The following SASH1 variants were observed in gnomAD, a reference collection of about 807,000 sequenced individuals.
The protein encoded by SASH1 is SAM and SH3 domain-containing protein 1.
In SASH1, 44 loss-of-function variants were observed where a neutral mutation model predicts 125.2. The ratio of observed to expected loss-of-function variants is 0.35; its 90% CI spans 0.28 to 0.45. SASH1 has a LOEUF of 0.45. SASH1 is among the 20% of genes least tolerant of loss of function. The pLI, the probability that SASH1 is intolerant of heterozygous loss-of-function variation, is 1.00. For synonymous variants in SASH1, 639 were observed against 649.1 expected (o/e 0.98, Z 0.24); for missense variants, 1,426 against 1,614.5 (o/e 0.88, Z 2.00).
intron 1 of SASH1, among the ~76,000 whole-genome samples, chr6:148,277,086 G>C (rs1779205811): frequency 6.6e-6 from 1 of 152,124 alleles, no homozygotes; most frequent in African/African-American, 2.4e-5. Context: ...ATAAAGAAAG[G>C]GGACACACGA....
chr6:148,515,971 G>A (rs1780412117), intron 9 of SASH1, among the ~76,000 whole-genome samples: 1 of 152,186 alleles, frequency 6.6e-6, no homozygotes, highest in Non-Finnish European at 1.5e-5. Context: ...CATGATAGTG[G>A]TGTGTTAAAG....
chr6:148,404,160 A>C (rs1291377557), intron 2 of SASH1, among the ~76,000 whole-genome samples: 2 of 152,242 alleles, frequency 1.3e-5, no homozygotes, highest in Non-Finnish European at 2.9e-5. Context: ...TGGGTTTTAA[A>C]AATAAGCATA....
chr6:148,451,411 A>C (rs1382612686), intron 4 of SASH1, among the ~76,000 whole-genome samples: 1 of 152,220 alleles, frequency 6.6e-6, no homozygotes, highest in Non-Finnish European at 1.5e-5. Context: ...GCTTCCATAA[A>C]TTGCCAAATC....
upstream of SASH1, among the ~76,000 whole-genome samples, chr6:148,268,839 T>G (rs1281774597): frequency 6.6e-6 from 1 of 152,186 alleles, no homozygotes; most frequent in Non-Finnish European, 1.5e-5. Flanking sequence ...AATAGATGAG[T>G]TTCAGATATT....
upstream of SASH1, chr6:148,272,297 G>A (rs1582901819): frequency 4.3e-6 from 2 of 467,546 alleles, no homozygotes; most frequent in East Asian, 1.4e-4. Context: ...GCAGATTCAT[G>A]CGATCTGAGT....
At chr6:148,505,877 C>G (rs1779772335) in intron 8 of SASH1, among the ~76,000 whole-genome samples, 1 of 151,918 alleles carries the variant, frequency 6.6e-6, no homozygotes, top group Admixed American at 6.6e-5. Context: ...ACCTCGTGAT[C>G]CGCCCACCTT....
intron 2 of SASH1, chr6:148,393,886 CTCTT>C (rs1281250908): frequency 1.4e-5 from 2 of 143,310 alleles, no homozygotes; most frequent in Admixed American, 8.7e-5. Flanking sequence ...TTCTCTCTCT[CTCTT>C]TTTTTTTTTT....
chr6:148,270,374 A>AT (rs1779033081), upstream of SASH1, among the ~76,000 whole-genome samples: 1 of 60,328 alleles, frequency 1.7e-5, no homozygotes, highest in African/African-American at 8.8e-5. Flanking sequence ...TGACTTTAAT[A>AT]TTTTAAAATT....
chr6:148,424,232 CTTT>C (rs755742706), intron 2 of SASH1, among the ~76,000 whole-genome samples: 1 of 140,644 alleles, frequency 7.1e-6, no homozygotes. Context: ...TGTTCTTCTT[CTTT>C]TTTTTTTTTG....
intron 1 of SASH1, among the ~76,000 whole-genome samples, chr6:148,326,328 A>G (rs1426166081): frequency 1.7e-4 from 10 of 60,164 alleles, no homozygotes; most frequent in African/African-American, 7.1e-4. Flanking sequence ...GCATGCATAT[A>G]TATATATATA....
chr6:148,537,778 GT>G (rs1413151475), intron 16 of SASH1, among the ~76,000 whole-genome samples: 4 of 14,208 alleles, frequency 2.8e-4, no homozygotes, highest in African/African-American at 1.6e-3. Context: ...AGCATATTCT[GT>G]GTGTGTGTGT....
chr6:148,263,256 T>C, the SASH1 span, among the ~76,000 whole-genome samples: 1 of 152,188 alleles, frequency 6.6e-6, no homozygotes, highest in African/African-American at 2.4e-5. Context: ...TTCATGTTCT[T>C]GAGAAAGCCT....
chr6:148,312,105 G>C (rs1272430200), intron 1 of SASH1, among the ~76,000 whole-genome samples: 2 of 152,200 alleles, frequency 1.3e-5, no homozygotes, highest in East Asian at 3.8e-4. Context: ...AGTAAGGATA[G>C]AAATCAGATC....
chr6:148,292,709 C>T (rs1189589087), intron 1 of SASH1, among the ~76,000 whole-genome samples: 2 of 152,100 alleles, frequency 1.3e-5, no homozygotes, highest in East Asian at 3.9e-4. Context: ...AGGGAAGAGG[C>T]ATGTGAATTC....
At chr6:148,255,869 T>C in the SASH1 span, among the ~76,000 whole-genome samples, 3 of 152,128 alleles carry the variant, frequency 2.0e-5, no homozygotes, top group African/African-American at 4.8e-5. Flanking sequence ...CTCGAACTCC[T>C]GGACTCAAGC....
chr6:148,528,507 C>T (rs73015048), intron 12 of SASH1, among the ~76,000 whole-genome samples: 6,341 of 152,310 alleles, frequency 0.042, 192 homozygotes, highest in Non-Finnish European at 0.062. Flanking sequence ...TGCGAATGAC[C>T]GAACGTCACC....
chr6:148,241,014 A>G, the SASH1 span, among the ~76,000 whole-genome samples: 1 of 152,144 alleles, frequency 6.6e-6, no homozygotes, highest in African/African-American at 2.4e-5. Flanking sequence ...TCTCTTACAA[A>G]CAAAACATGT....
At chr6:148,194,974 T>TACC in the SASH1 span, among the ~76,000 whole-genome samples, 2 of 152,252 alleles carry the variant, frequency 1.3e-5, no homozygotes, top group African/African-American at 4.8e-5. Flanking sequence ...TCTGAGCTGG[T>TACC]AAGCCATTCT....
At chr6:148,422,792 C>T (rs1043619768) in intron 2 of SASH1, among the ~76,000 whole-genome samples, 1 of 151,990 alleles carries the variant, frequency 6.6e-6, no homozygotes, top group South Asian at 2.1e-4. Flanking sequence ...CCATTATAAA[C>T]CTGATTTTGC....
Sources: allele counts gnomAD v4.1 joint callset (sites outside exome capture counted in the v4.1 genomes callset), GRCh38; gene constraint gnomAD v4.1.1; transcripts MANE v1.5; gene names NCBI Gene and HGNC (gene_info 2026-07-23, HGNC 2026-07-21).